The following SMCO4 variants were observed in gnomAD, a reference collection of about 807,000 sequenced individuals.
The protein encoded by SMCO4 is single-pass membrane protein with coiled-coil domains 4.
In SMCO4, 4 loss-of-function variants were observed where a neutral mutation model predicts 3.6. That is an observed-to-expected ratio of 1.11 (90% CI 0.54 to 2.53). The LOEUF (loss-of-function observed/expected upper bound fraction) is 2.53. Ranked by LOEUF, SMCO4 falls within the 30% of genes most tolerant of loss-of-function variation. SMCO4 has a pLI of 0.02. For synonymous variants in SMCO4, 36 were observed against 35.3 expected (o/e 1.02, Z -0.07); for missense variants, 70 against 80.8 (o/e 0.87, Z 0.51).
intron 1 of SMCO4, among the ~76,000 whole-genome samples, chr11:93,503,780 G>A (rs561295010): frequency 5.3e-5 from 8 of 152,278 alleles, no homozygotes; most frequent in Admixed American, 1.3e-4. Context: ...CATGGAGCAC[G>A]GTCCTGCCCA....
chr11:93,530,311 C>T (rs1363898620), intron 1 of SMCO4, among the ~76,000 whole-genome samples: 1 of 152,172 alleles, frequency 6.6e-6, no homozygotes, highest in East Asian at 1.9e-4. Context: ...ATTCCTGCCA[C>T]CACAGCCTTG....
intron 2 of SMCO4, among the ~76,000 whole-genome samples, chr11:93,486,819 A>G (rs1453923870): frequency 6.6e-6 from 1 of 152,198 alleles, no homozygotes; most frequent in African/African-American, 2.4e-5. Context: ...AGGCCCAGAC[A>G]TCCAACCACT....
chr11:93,520,161 A>C (rs1439863754), intron 1 of SMCO4, among the ~76,000 whole-genome samples: 2 of 152,214 alleles, frequency 1.3e-5, no homozygotes, highest in Non-Finnish European at 2.9e-5. Context: ...AGGCATCTGG[A>C]CAACTCCCTT....
chr11:93,491,135 C>CT (rs1452066202), intron 2 of SMCO4, among the ~76,000 whole-genome samples: 1 of 152,208 alleles, frequency 6.6e-6, no homozygotes, highest in African/African-American at 2.4e-5. Context: ...ACAGCAGGTA[C>CT]TAAAAGTAAG....
At chr11:93,484,622 T>C (rs543137650) in intron 2 of SMCO4, among the ~76,000 whole-genome samples, 3 of 152,054 alleles carry the variant, frequency 2.0e-5, no homozygotes, top group East Asian at 3.9e-4. Flanking sequence ...TGGTACACAG[T>C]AACTTGCTGT....
At position 93,493,860 on chromosome 11, in the gene SMCO4, G is replaced by A. The variant is rs116768065; in HGVS notation, c.-81+5416C>T. 9.4e-3 allele frequency among the ~76,000 whole-genome samples: 1,426 copies of A among 152,016 alleles called. 19 individuals are homozygous for A. Among genetic ancestry groups the A allele is most frequent in the African/African-American group, 0.027 (1,110 of 41,448 alleles). On this transcript the variant is annotated intron_variant, in intron 2 of 2. Transcript: ENST00000298966. ...TAGATGATACAAGACTGTCCCTCTC[G>A]CCAATGCTGCCCAAGCCAGAAGTCT...
At chr11:93,534,375 T>TATATATATATATAGAGAG (rs369643237) in intron 1 of SMCO4, among the ~76,000 whole-genome samples, 1 of 142,132 alleles carries the variant, frequency 7.0e-6, no homozygotes, top group African/African-American at 2.6e-5. Flanking sequence ...TATATATATA[T>TATATATATATATAGAGAG]AGAGAGAGAG....
At chr11:93,542,903 C>CCTTTGCA (rs1467065109) in intron 1 of SMCO4, among the ~76,000 whole-genome samples, 6 of 152,204 alleles carry the variant, frequency 3.9e-5, no homozygotes, top group African/African-American at 1.4e-4. Flanking sequence ...CGGCCCAAGC[C>CCTTTGCA]CTTTGCACTG....
intron 1 of SMCO4, among the ~76,000 whole-genome samples, chr11:93,524,266 A>G (rs1949085909): frequency 6.6e-6 from 1 of 152,216 alleles, no homozygotes; most frequent in Admixed American, 6.5e-5. Context: ...TCACAAAGCC[A>G]GGAAACGGCC....
At chr11:93,549,619 A>AT in the SMCO4 span, among the ~76,000 whole-genome samples, 1 of 7,468 alleles carries the variant, frequency 1.3e-4, no homozygotes, top group Non-Finnish European at 3.6e-4. Flanking sequence ...TAACTAATTT[A>AT]TTTATTTTTT....
chr11:93,495,990 T>A (rs1948768035), intron 2 of SMCO4, among the ~76,000 whole-genome samples: 1 of 152,244 alleles, frequency 6.6e-6, no homozygotes, highest in Non-Finnish European at 1.5e-5. Flanking sequence ...CCAACAATGC[T>A]GTGCCTCTGT....
At chr11:93,548,030 C>T (rs1949325846), upstream of SMCO4, among the ~76,000 whole-genome samples, 1 of 152,216 alleles carries the variant, frequency 6.6e-6, no homozygotes, top group Non-Finnish European at 1.5e-5. Flanking sequence ...TGCTGCCTGA[C>T]TGCAGCTGCC....
chr11:93,488,587 C>T (rs897508521), intron 2 of SMCO4, among the ~76,000 whole-genome samples: 7 of 151,932 alleles, frequency 4.6e-5, no homozygotes, highest in Admixed American at 2.0e-4. Context: ...CTCAGGCCTG[C>T]GCAACTGGAA....
intron 1 of SMCO4, among the ~76,000 whole-genome samples, chr11:93,518,570 G>T (rs1949030283): frequency 6.6e-6 from 1 of 152,166 alleles, no homozygotes; most frequent in African/African-American, 2.4e-5. Flanking sequence ...GCAAAGAAAA[G>T]CCAGAAGGAA....
In SMCO4 at chr11:93,479,138, CCTT is replaced by C; in HGVS notation, c.49_51del (p.Lys17del). 1 of 1,614,096 alleles carries C rather than the reference CCTT, an allele frequency of 6.2e-7. No homozygotes were observed. Among genetic ancestry groups the C allele is most frequent in the Non-Finnish European group, 8.5e-7 (1 of 1,180,038 alleles). Reference sequence around the variant, plus strand: ...GCCTCCTGCATGGCTTGCTTCCGCTCCTTCTTGTCCTTGGAGGTCTCCTTCTTG... The same window carrying C: ...GCCTCCTGCATGGCTTGCTTCCGCTCCTTGTCCTTGGAGGTCTCCTTCTTG... On this transcript the variant is annotated inframe_deletion, in exon 3 of 3. Transcript: ENST00000298966.
chr11:93,542,720 T>A (rs2134645047), intron 1 of SMCO4, among the ~76,000 whole-genome samples: 1 of 152,008 alleles, frequency 6.6e-6, no homozygotes, highest in African/African-American at 2.4e-5. Context: ...GAAGGCTCTA[T>A]CCCGCCCCCG....
chr11:93,501,171 C>T (rs961978353), intron 1 of SMCO4, among the ~76,000 whole-genome samples: 7 of 152,170 alleles, frequency 4.6e-5, no homozygotes, highest in African/African-American at 7.2e-5. Flanking sequence ...GTTCTGCAAA[C>T]CAGTGCCAAC....
At chr11:93,515,469 G>T (rs1949000203) in intron 1 of SMCO4, among the ~76,000 whole-genome samples, 1 of 152,190 alleles carries the variant, frequency 6.6e-6, no homozygotes, top group Admixed American at 6.5e-5. Context: ...TAGAGTAAGG[G>T]AAGTTCAATG....
the SMCO4 span, among the ~76,000 whole-genome samples, chr11:93,553,822 C>G: frequency 1.3e-5 from 2 of 152,160 alleles, no homozygotes; most frequent in Non-Finnish European, 2.9e-5. Context: ...AGTCACTAGC[C>G]CTCTTAGGAA....
Sources: gnomAD v4.1 joint callset for allele counts (sites outside exome capture counted in the v4.1 genomes callset) on GRCh38, gnomAD v4.1.1 for gene constraint, MANE v1.5 for transcripts, NCBI Gene and HGNC (gene_info 2026-07-23, HGNC 2026-07-21) for gene names.